COBL: variants seen among roughly 807,000 people sequenced by gnomAD.
The protein encoded by COBL is cordon-bleu WH2 repeat protein.
In COBL, 51 loss-of-function variants were observed where a neutral mutation model predicts 98.8. The ratio of observed to expected loss-of-function variants is 0.52; its 90% confidence interval spans 0.41 to 0.65. The LOEUF (loss-of-function observed/expected upper bound fraction) is 0.65. Among genes scored for constraint, COBL ranks in the 30% least tolerant of loss-of-function variants. The pLI is 0.00. For synonymous variants in COBL, 634 were observed against 651.7 expected (o/e 0.97, Z 0.41); for missense variants, 1,617 against 1,617.5 (o/e 1.00, Z 0.01).
At chr7:51,194,205 G>GT (rs1790386721) in intron 2 of COBL, among the ~76,000 whole-genome samples, 1 of 152,146 alleles carries the variant, frequency 6.6e-6, no homozygotes, top group Non-Finnish European at 1.5e-5. Context: ...AGAACATGCA[G>GT]TATTTGGTTC....
In COBL at chr7:51,107,084, G is replaced by GTTTTT. The variant is rs202161212; in HGVS notation, c.958-21781_958-21780insAAAAA. Among the ~76,000 whole-genome samples the GTTTTT allele has an allele frequency of 1.0e-4, 11 of 109,328 alleles. 1 individual carries two copies. Among genetic ancestry groups the GTTTTT allele is most frequent in the African/African-American group, 2.4e-4 (7 of 29,366 alleles). The allele number at this position is 109,328 out of a possible 152,430, so 71.7% of individuals were successfully genotyped here. Reference sequence around the variant, plus strand: ...ACTTAACACTTTTTTTGTGATCCTAGTTTGTTTGTTTTTTTTTTTTTTTTT... The same window carrying GTTTTT: ...ACTTAACACTTTTTTTGTGATCCTAGTTTTTTTTGTTTGTTTTTTTTTTTTTTTTT... On this transcript the variant is annotated intron_variant, in intron 6 of 12. Transcript: ENST00000265136.
chr7:51,060,508 C>T (rs978898440), intron 7 of COBL, among the ~76,000 whole-genome samples: 1 of 151,268 alleles, frequency 6.6e-6, no homozygotes, highest in African/African-American at 2.4e-5. Context: ...CTTTTGAAAA[C>T]TCAGTTACAG....
intron 7 of COBL, among the ~76,000 whole-genome samples, chr7:51,053,092 T>A (rs1009207587): frequency 6.6e-6 from 1 of 152,196 alleles, no homozygotes; most frequent in Non-Finnish European, 1.5e-5. Flanking sequence ...CTCCTAGTGT[T>A]TACTTCTAAC....
chr7:51,047,352 A>G (rs1789814274), intron 7 of COBL, among the ~76,000 whole-genome samples: 1 of 152,198 alleles, frequency 6.6e-6, no homozygotes, highest in South Asian at 2.1e-4. Flanking sequence ...AGGCCATTAC[A>G]TATCTCTGAA....
At position 51,219,815 on chromosome 7, in the gene COBL, C is replaced by G. The variant is rs79885281; in HGVS notation, c.171G>C (p.Ala57=). 1.1e-5 allele frequency: 17 copies of G among 1,614,098 alleles called. No homozygotes were observed. The highest frequency in any genetic ancestry group is 1.4e-5 in the Non-Finnish European group (16 of 1,180,046). ...TGACGTCCATGGTGCTGGCCCTCAGCGCCTCCTTCATGCGAACCAAGTTCT... is the reference window on the plus strand; with the variant it reads ...TGACGTCCATGGTGCTGGCCCTCAGGGCCTCCTTCATGCGAACCAAGTTCT... ...SQQNLVRMKE[A]LRASTMDVTV... Residue 57 remains alanine, a synonymous_variant, in exon 2 of 13, where the codon GCG becomes GCC. Coordinates refer to ENST00000265136, the MANE Select transcript of COBL (RefSeq NM_015198.5).
chr7:51,062,513 C>T (rs1034420176), intron 7 of COBL, among the ~76,000 whole-genome samples: 1 of 152,196 alleles, frequency 6.6e-6, no homozygotes, highest in Non-Finnish European at 1.5e-5. Context: ...GCTGGTTTCT[C>T]TGAAGTGGCC....
Position 51,259,304 on chromosome 7 carries a change from A to AG in COBL, c.42-39361dup, listed in dbSNP as rs879026425. The AG allele has an allele frequency of 1.4e-3, 240 of 170,362 alleles. 2 individuals are homozygous for AG. Among genetic ancestry groups the AG allele is most frequent in the Middle Eastern group, 0.01 (4 of 390 alleles). 10.6% of individuals were successfully genotyped at this position (170,362 alleles called of 1,614,324 possible). A position where few individuals can be genotyped will look rare whatever the true frequency, so the allele number is the denominator to read the frequency against. On this transcript the variant is annotated intron_variant, in intron 1 of 12. Transcript: ENST00000265136. Reference sequence around the variant, plus strand: ...TCCAGCTCAAAAAAAAAAAAAAAAAAGAGTAACCCAATCTCACGGTTACTA... The same window carrying AG: ...TCCAGCTCAAAAAAAAAAAAAAAAAAGGAGTAACCCAATCTCACGGTTACTA...
intron 8 of COBL, among the ~76,000 whole-genome samples, chr7:51,039,840 T>C (rs1378803070): frequency 6.6e-6 from 1 of 152,212 alleles, no homozygotes; most frequent in Non-Finnish European, 1.5e-5. Context: ...ATTTACAATT[T>C]GAGAGACATC....
chr7:51,248,178 C>T (rs1340528661), intron 1 of COBL, among the ~76,000 whole-genome samples: 1 of 152,118 alleles, frequency 6.6e-6, no homozygotes, highest in Non-Finnish European at 1.5e-5. Context: ...CTTTGAGGCA[C>T]AAAAGATAAG....
chr7:51,276,135 G>C (rs6946177), intron 1 of COBL, among the ~76,000 whole-genome samples: 252 of 152,312 alleles, frequency 1.7e-3, no homozygotes, highest in African/African-American at 5.6e-3. Context: ...CAATAACACA[G>C]GAATTCTAAG....
In COBL at chr7:51,025,238, GGGTGGAGGGGGTGGT is replaced by G; in HGVS notation, c.3624_3638del (p.Pro1209_Pro1213del). 6.2e-7 allele frequency: 1 copy of G among 1,608,954 alleles called. No individual in the cohort carries two copies. The highest frequency in any genetic ancestry group is 8.5e-7 in the Non-Finnish European group (1 of 1,178,558). ...TCCTTGGTGCAGAGAGAGCCTGGGA[GGGTGGAGGGGGTGGT>G]GGGGGAATGGCTGGTGGGGACAGAA... is the stretch of plus-strand genomic sequence containing the variant. On this transcript the variant is annotated inframe_deletion, in exon 12 of 13. Coordinates refer to ENST00000265136, the MANE Select transcript of COBL (RefSeq NM_015198.5).
rs1445552545 is a variant in COBL, at chr7:51,130,036, G to A, written c.957+6122C>T. On this transcript the variant is annotated intron_variant, in intron 6 of 12. Transcript: ENST00000265136. ...CAGGTGGGAGCAAAGGGAAATGGCTGGATTCTGGATACACTTCAAAGGAAA... is the reference window on the plus strand; with the variant it reads ...CAGGTGGGAGCAAAGGGAAATGGCTAGATTCTGGATACACTTCAAAGGAAA... Among the ~76,000 whole-genome samples, 3 of 152,162 alleles carry A rather than the reference G, an allele frequency of 2.0e-5. No individual in the cohort carries two copies. The East Asian group carries it at 5.8e-4, about 29-fold the overall frequency.
At chr7:51,098,348 C>A (rs1043891328) in intron 6 of COBL, among the ~76,000 whole-genome samples, 4 of 151,712 alleles carry the variant, frequency 2.6e-5, no homozygotes, top group African/African-American at 7.3e-5. Context: ...GGAAGCCTCA[C>A]ACTTTCTGGT....
intron 1 of COBL, among the ~76,000 whole-genome samples, chr7:51,244,777 C>T (rs1031104712): frequency 1.3e-5 from 2 of 152,180 alleles, no homozygotes; most frequent in East Asian, 1.9e-4. Context: ...ATCATTGCTG[C>T]AGCCATTCCA....
Position 51,029,046 on chromosome 7 carries a change from C to T in COBL, c.2050G>A (p.Ala684Thr). The T allele has an allele frequency of 6.2e-7, 1 of 1,614,160 alleles. No individual in the cohort carries two copies. The highest frequency in any genetic ancestry group is 8.5e-7 in the Non-Finnish European group (1 of 1,180,036). ...CCTCGTTGGTGCCATGATGTTGGTG[C>T]CAAGGCAGCGTTTTTATCGTTGCTG... is the stretch of plus-strand genomic sequence containing the variant. Reference protein sequence around the residue: ...KDSNDKNAALAPTSWHQRGQN... With the variant: ...KDSNDKNAALTPTSWHQRGQN... The change falls in exon 10 of 13, where the codon GCA becomes ACA. Residue 684 changes from alanine to threonine, a missense_variant. By Grantham distance (58) the Ala-to-Thr change is moderately conservative. Around this residue, in one of 3 missense-constraint regions of COBL, gnomAD observed 1,304 missense variants for 1,282.0 expected, o/e 1.02. Transcript: ENST00000265136.
rs1251403041 is a variant in COBL, at chr7:51,027,908, A to C, written c.3188T>G (p.Leu1063Arg). ...PGGSGTESHI[L>R]LEREEKPSVF... ...ACTGGGCTTTTCCTCTCTTTCTAGGAGAATGTGGCTTTCTGTGCCAGACCC... is the reference window on the plus strand; with the variant it reads ...ACTGGGCTTTTCCTCTCTTTCTAGGCGAATGTGGCTTTCTGTGCCAGACCC... Residue 1063 changes from leucine to arginine, a missense_variant, in exon 10 of 13, where the codon CTC becomes CGC. Transcript: ENST00000265136. The C allele has an allele frequency of 1.2e-6, 2 of 1,613,926 alleles. No homozygotes were observed. The highest frequency in any genetic ancestry group is 3.3e-5 in the Admixed American group (2 of 59,992).
rs759224557 is a variant in COBL, at chr7:51,027,725, T to A, written c.3371A>T (p.Asp1124Val). 1.2e-6 allele frequency: 2 copies of A among 1,613,260 alleles called. No homozygotes were observed. Among genetic ancestry groups the A allele is most frequent in the East Asian group, 4.5e-5 (2 of 44,882 alleles). Residue 1124 changes from aspartate to valine, a missense_variant, in exon 10 of 13, where the codon GAC becomes GTC. Coordinates refer to ENST00000265136, the MANE Select transcript of COBL (RefSeq NM_015198.5). ...CGCCATCCTCACCTTGCGTAGTCTG[T>A]CCTTCCCTCCCGCAGAGTGGATGGC... ...MEAIHSAGGK[D>V]RLRKTAEHTG... is the part of the protein sequence containing the mutation.
Position 51,085,175 on chromosome 7 carries a change from T to C in COBL, c.1087A>G (p.Ser363Gly), listed in dbSNP as rs767235801. The change falls in exon 7 of 13, where the codon AGC (serine) becomes GGC (glycine). Residue 363 changes from serine to glycine, a missense_variant. Physicochemically the swap from Ser to Gly is moderately conservative, Grantham distance 56 (BLOSUM62 0). Around this residue, in one of 3 missense-constraint regions of COBL, gnomAD observed 1,304 missense variants for 1,282.0 expected, o/e 1.02. Coordinates refer to ENST00000265136, the MANE Select transcript of COBL (RefSeq NM_015198.5). ...GCCGAGCCTCACTCACCCATCGTGCTCTTCCTGTTCTCCTCCTTATCCTCA... is the reference window on the plus strand; with the variant it reads ...GCCGAGCCTCACTCACCCATCGTGCCCTTCCTGTTCTCCTCCTTATCCTCA... ...RTEDKEENRK[S>G]TMVSLPLGSG... The C allele has an allele frequency of 6.2e-7, 1 of 1,613,764 alleles. No homozygotes were observed. The highest frequency in any genetic ancestry group is 1.7e-5 in the Admixed American group (1 of 59,984).
intron 8 of COBL, among the ~76,000 whole-genome samples, chr7:51,039,558 T>C (rs1231948934): frequency 6.6e-6 from 1 of 152,240 alleles, no homozygotes; most frequent in Admixed American, 6.5e-5. Context: ...GAACACACTA[T>C]TTTCATCAAA....
Sources: gnomAD v4.1 joint callset for allele counts (sites outside exome capture counted in the v4.1 genomes callset) on GRCh38, gnomAD v4.1.1 for gene constraint, gnomAD v4.1.1 regional missense constraint, MANE v1.5 for transcripts, NCBI Gene and HGNC (gene_info 2026-07-23, HGNC 2026-07-21) for gene names.